FRMPD4: variants seen among roughly 807,000 people sequenced by gnomAD.
FRMPD4 encodes the protein FERM and PDZ domain containing 4.
FRMPD4 carries 22 observed loss-of-function variants against 94.1 expected under a neutral mutation model. The ratio of observed to expected loss-of-function variants is 0.23; its 90% CI spans 0.17 to 0.33. The LOEUF (loss-of-function observed/expected upper bound fraction) is 0.33, where lower values mean the gene tolerates loss of function less well. Ranked by LOEUF, FRMPD4 falls within the 10% of genes least tolerant of loss-of-function variation. FRMPD4 has a pLI of 1.00. For synonymous variants in FRMPD4, 631 were observed against 548.6 expected (o/e 1.15, Z -2.10); for missense variants, 1,111 against 1,339.9 (o/e 0.83, Z 2.67).
intron 3 of FRMPD4, among the ~76,000 whole-genome samples, chrX:12,018,726 C>G (rs2054617570): frequency 9.0e-6 from 1 of 111,662 alleles, no homozygotes; most frequent in South Asian, 3.8e-4. Context: ...CCAGATTTCC[C>G]CTTGTTATAA....
At chrX:12,101,456 T>A (rs2055255176) in intron 3 of FRMPD4, among the ~76,000 whole-genome samples, 1 of 111,805 alleles carries the variant, frequency 8.9e-6, no homozygotes, top group Non-Finnish European at 1.9e-5. Context: ...TAATGTTTAA[T>A]CCCTCTTCTA....
chrX:12,668,075 A>G (rs2059798033), intron 4 of FRMPD4, among the ~76,000 whole-genome samples: 1 of 112,312 alleles, frequency 8.9e-6, no homozygotes, highest in Admixed American at 9.5e-5. Context: ...GCCATCCCAG[A>G]AAGAAGTTAA....
chrX:12,548,930 T>C (rs934418622), intron 2 of FRMPD4, among the ~76,000 whole-genome samples: 4 of 111,412 alleles, frequency 3.6e-5, no homozygotes, highest in Non-Finnish European at 7.5e-5. Flanking sequence ...TCATAATGAG[T>C]TCCTCCCAGA....
At chrX:12,628,106 G>A (rs187046012) in intron 4 of FRMPD4, among the ~76,000 whole-genome samples, 1 of 109,953 alleles carries the variant, frequency 9.1e-6, no homozygotes, top group East Asian at 2.9e-4. Flanking sequence ...ATTTTTACAG[G>A]TAACACAGTG....
At chrX:12,520,374 G>C (rs2058148659) in intron 2 of FRMPD4, among the ~76,000 whole-genome samples, 1 of 112,034 alleles carries the variant, frequency 8.9e-6, no homozygotes, top group Non-Finnish European at 1.9e-5. Flanking sequence ...AACAGATGAA[G>C]GACAGTTGTT....
intron 3 of FRMPD4, among the ~76,000 whole-genome samples, chrX:12,060,099 G>A (rs1009494971): frequency 2.6e-4 from 29 of 110,888 alleles, no homozygotes; most frequent in Admixed American, 4.8e-4. Context: ...TCATTAATAT[G>A]TATTCTTTGG....
chrX:12,514,657 A>G (rs73632688), intron 2 of FRMPD4, among the ~76,000 whole-genome samples: 3,553 of 111,643 alleles, frequency 0.032, 151 homozygotes, highest in African/African-American at 0.11. Flanking sequence ...CATCAGGGAT[A>G]TTGGCCTGAA....
At chrX:12,719,817 G>T (rs1253820909) in intron 16 of FRMPD4, among the ~76,000 whole-genome samples, 2 of 109,828 alleles carry the variant, frequency 1.8e-5, no homozygotes, top group African/African-American at 3.3e-5. Flanking sequence ...GTGAGATGGG[G>T]ATTATTTGCT....
At chrX:12,558,563 C>T (rs962643337) in intron 2 of FRMPD4, among the ~76,000 whole-genome samples, 3 of 112,429 alleles carry the variant, frequency 2.7e-5, no homozygotes, top group African/African-American at 6.5e-5. Context: ...ACTATATTTG[C>T]TAAATGATAT....
rs182354712 is a variant in FRMPD4, at chrX:11,926,842, A to T, written c.95+48824A>T. 2.4e-3 allele frequency among the ~76,000 whole-genome samples: 264 copies of T among 111,587 alleles called. 1 individual carries two copies. The highest frequency in any genetic ancestry group is 7.5e-3 in the African/African-American group (230 of 30,664). On this transcript the variant is annotated intron_variant, in intron 3 of 18. Coordinates refer to the FRMPD4 transcript ENST00000640291. ...CATTCCCTTTAAAAATCAGCACAAGACAAGGATGCCGTCTCTCACCACTCC... is the reference window on the plus strand; with the variant it reads ...CATTCCCTTTAAAAATCAGCACAAGTCAAGGATGCCGTCTCTCACCACTCC...
At chrX:12,179,367 C>A (rs2056331748) in intron 1 of FRMPD4, among the ~76,000 whole-genome samples, 2 of 111,300 alleles carry the variant, frequency 1.8e-5, no homozygotes, top group Admixed American at 1.9e-4. Flanking sequence ...AACAAAATCA[C>A]CTTGCAAAGG....
chrX:12,553,454 A>G (rs868151372), intron 2 of FRMPD4, among the ~76,000 whole-genome samples: 3 of 55,738 alleles, frequency 5.4e-5, no homozygotes, highest in Non-Finnish European at 7.7e-5. Context: ...ATATATATAT[A>G]TATATATATA....
At chrX:12,476,786 A>G (rs980054255) in intron 1 of FRMPD4, among the ~76,000 whole-genome samples, 4 of 111,633 alleles carry the variant, frequency 3.6e-5, no homozygotes, top group Non-Finnish European at 7.5e-5. Flanking sequence ...CACCAGTTAG[A>G]ATGGTGATCA....
At chrX:12,259,621 A>G (rs1054454630) in intron 1 of FRMPD4, among the ~76,000 whole-genome samples, 2 of 111,784 alleles carry the variant, frequency 1.8e-5, no homozygotes, top group Admixed American at 9.5e-5. Context: ...GTTCTAGGAA[A>G]CGAATACACG....
rs868523818 is a variant in FRMPD4 at position 12,605,761 on chromosome X, G to A, written c.159-3960G>A. Among the ~76,000 whole-genome samples the A allele has an allele frequency of 3.2e-4, 35 of 110,670 alleles. No individual in the cohort carries two copies. In the Middle Eastern group the frequency reaches 0.018, roughly 58 times the overall value. ...GTGTTGGAAGTGCTCCCCCCGAAAC[G>A]TTTCCTGTTCCCTGCTGATCATTAC... On this transcript the variant is annotated intron_variant, in intron 2 of 16. Transcript: ENST00000675598.
rs190021465 is a variant in FRMPD4 at position 12,461,795 on chromosome X, C to T, written c.42-36885C>T. Among the ~76,000 whole-genome samples the T allele has an allele frequency of 3.6e-5, 4 of 111,709 alleles. No individual in the cohort carries two copies. In the East Asian group the frequency reaches 1.1e-3, roughly 31 times the overall value. ...CACTATTCATACTACTAGCCCATAC[C>T]ATATACAAGAAGTCTTCCTACTGTA... On this transcript the variant is annotated intron_variant, in intron 1 of 16. Coordinates refer to ENST00000675598, the MANE Select transcript of FRMPD4 (RefSeq NM_001368397.1).
intron 3 of FRMPD4, among the ~76,000 whole-genome samples, chrX:12,084,754 G>A (rs748928265): frequency 8.9e-6 from 1 of 112,187 alleles, no homozygotes; most frequent in African/African-American, 3.2e-5. Flanking sequence ...AGCCACATTG[G>A]TTGGAAGCTT....
intron 1 of FRMPD4, among the ~76,000 whole-genome samples, chrX:12,406,393 G>A (rs1230232886): frequency 8.9e-6 from 1 of 111,857 alleles, no homozygotes; most frequent in Non-Finnish European, 1.9e-5. Context: ...GTGGCATTAT[G>A]TATCTGGAAA....
At chrX:11,970,504 C>T (rs1331240777) in intron 3 of FRMPD4, among the ~76,000 whole-genome samples, 1 of 112,194 alleles carries the variant, frequency 8.9e-6, no homozygotes, top group East Asian at 2.8e-4. Flanking sequence ...TTGGTTCCAG[C>T]ACTGACTGAC....
Sources: allele counts gnomAD v4.1 joint callset (sites outside exome capture counted in the v4.1 genomes callset), GRCh38; gene constraint gnomAD v4.1.1; transcripts MANE v1.5; gene names NCBI Gene and HGNC (gene_info 2026-07-23, HGNC 2026-07-21).